MET: variants seen among roughly 807,000 people sequenced by gnomAD.
The protein encoded by MET is hepatocyte growth factor receptor.
MET carries 48 observed loss-of-function variants against 133.1 expected under a neutral mutation model. That is an observed-to-expected ratio of 0.36 (90% CI 0.29 to 0.46). MET has a LOEUF of 0.46. Among genes scored for constraint, MET ranks in the 20% least tolerant of loss-of-function variants. The pLI is 1.00. For synonymous variants in MET, 628 were observed against 616.5 expected, an observed-to-expected ratio of 1.02 and a Z score of -0.28; for missense variants, 1,442 against 1,695.9, an observed-to-expected ratio of 0.85 and a Z score of 2.63.
chr7:116,690,551 C>T (rs1796746489), intron 1 of MET, among the ~76,000 whole-genome samples: 1 of 152,194 alleles, frequency 6.6e-6, no homozygotes, highest in South Asian at 2.1e-4. Flanking sequence ...TAGTGTCTGG[C>T]TACGATAGAA....
intron 1 of MET, among the ~76,000 whole-genome samples, chr7:116,691,516 A>T (rs929433558): frequency 1.3e-5 from 2 of 152,162 alleles, no homozygotes; most frequent in Non-Finnish European, 2.9e-5. Context: ...TCATTTTTAA[A>T]CTTATTTAAA....
chr7:116,728,092 C>T (rs771375062), intron 2 of MET, among the ~76,000 whole-genome samples: 1 of 152,156 alleles, frequency 6.6e-6, no homozygotes, highest in Non-Finnish European at 1.5e-5. Flanking sequence ...TTAGTTTTTC[C>T]TAGAGGCTAG....
intron 15 of MET, among the ~76,000 whole-genome samples, 180 bp downstream of exon 15, chr7:116,775,291 G>T (rs1212916439): frequency 1.3e-5 from 2 of 152,194 alleles, no homozygotes; most frequent in Non-Finnish European, 2.9e-5. Context: ...GTGGGGATTT[G>T]CCCTTGTGCA....
chr7:116,691,068 C>T (rs776453842), intron 1 of MET, among the ~76,000 whole-genome samples: 7 of 152,158 alleles, frequency 4.6e-5, no homozygotes, highest in Non-Finnish European at 8.8e-5. Flanking sequence ...GGAGATTTAG[C>T]CATGGCTATT....
chr7:116,748,209 A>T (rs1051701590), intron 5 of MET, among the ~76,000 whole-genome samples: 2 of 152,202 alleles, frequency 1.3e-5, no homozygotes, highest in African/African-American at 4.8e-5. Flanking sequence ...GCGCCACTGC[A>T]CTCCAGCCTG....
rs200624981 is a variant in MET at position 116,778,969 on chromosome 7, G to T, written c.3522+12G>T. On this transcript the variant is annotated intron_variant, in intron 17 of 20. Transcript: ENST00000397752. ...GAAATGAGACTCATGTAAGTTGACT[G>T]CCAAGCTTACTAACTGGCAAACTAG... is the stretch of plus-strand genomic sequence containing the variant. 319 of 1,613,274 alleles carry T rather than the reference G, an allele frequency of 2.0e-4. No individual in the cohort carries two copies. The highest frequency in any genetic ancestry group is 1.6e-4 in the Non-Finnish European group (183 of 1,179,748).
chr7:116,675,490 A>T (rs1260607781), intron 1 of MET, among the ~76,000 whole-genome samples: 3 of 152,160 alleles, frequency 2.0e-5, no homozygotes, highest in African/African-American at 4.8e-5. Context: ...TGCATACATC[A>T]CCTTTCTGAT....
In MET at chr7:116,769,829, A is replaced by G. The variant is rs550729548; in HGVS notation, c.2730+38A>G. On this transcript the variant is annotated intron_variant, in intron 12 of 20. Transcript: ENST00000397752. ...CATTCCTCTCATGATGTAAATAAGG[A>G]AGCCAGTGTAATTATGTTATTCTCA... 5.0e-6 allele frequency: 8 copies of G among 1,612,910 alleles called. No individual in the cohort carries two copies. The South Asian group carries it at 8.8e-5, about 18-fold the overall frequency.
chr7:116,762,866 G>A (rs1366532563), intron 10 of MET, among the ~76,000 whole-genome samples, 184 bp from the exon 11 acceptor site: 2 of 152,124 alleles, frequency 1.3e-5, no homozygotes, highest in Non-Finnish European at 2.9e-5. Flanking sequence ...TTGAAGGGTG[G>A]GTTGTTTGGA....
At chr7:116,762,947 A>T (rs1794452416) in intron 10 of MET, 103 bp from the exon 11 acceptor site, 4 of 1,019,874 alleles carry the variant, frequency 3.9e-6, no homozygotes, top group African/African-American at 1.6e-5. Flanking sequence ...GATTTTTTCA[A>T]AAATTATATA....
chr7:116,794,606 C>A (rs1795614768), intron 19 of MET, among the ~76,000 whole-genome samples: 1 of 152,222 alleles, frequency 6.6e-6, no homozygotes, highest in Non-Finnish European at 1.5e-5. Flanking sequence ...GTACTGCAAG[C>A]TACACTTGCC....
chr7:116,681,255 C>T (rs181218108), intron 1 of MET, among the ~76,000 whole-genome samples: 9 of 152,112 alleles, frequency 5.9e-5, no homozygotes, highest in African/African-American at 1.9e-4. Context: ...GTTATCTACT[C>T]CCAGGCACTC....
intron 2 of MET, among the ~76,000 whole-genome samples, chr7:116,707,806 T>C (rs771327980): frequency 2.0e-5 from 3 of 152,198 alleles, no homozygotes; most frequent in African/African-American, 7.2e-5. Flanking sequence ...CTAATATCTC[T>C]AAAAAATATC....
At chr7:116,709,236 T>C (rs906657752) in intron 2 of MET, among the ~76,000 whole-genome samples, 8 of 152,236 alleles carry the variant, frequency 5.3e-5, no homozygotes, top group Admixed American at 5.2e-4. Context: ...TGTTCATCTA[T>C]ACATATTTAA....
At chr7:116,752,814 C>T (rs545028275) in intron 5 of MET, among the ~76,000 whole-genome samples, 13 of 152,020 alleles carry the variant, frequency 8.6e-5, no homozygotes, top group South Asian at 2.1e-4. Context: ...CATAGAAAGA[C>T]GGGATGTAGG....
At chr7:116,745,042 C>T (rs1365704453) in intron 5 of MET, among the ~76,000 whole-genome samples, 1 of 152,202 alleles carries the variant, frequency 6.6e-6, no homozygotes, top group Admixed American at 6.5e-5. Flanking sequence ...ATCGTCTCAG[C>T]CCAAAGTCTC....
intron 19 of MET, among the ~76,000 whole-genome samples, chr7:116,792,596 AG>A (rs1260325129): frequency 6.6e-6 from 1 of 151,854 alleles, no homozygotes; most frequent in African/African-American, 2.4e-5. Flanking sequence ...CAATGCTTTC[AG>A]GGGAGTGTGG....
At position 116,796,102 on chromosome 7, in the gene MET, C is replaced by G. The variant is rs202166889; in HGVS notation, c.4151C>G (p.Ala1384Gly). 2 of 1,614,034 alleles carry G rather than the reference C, an allele frequency of 1.2e-6. No individual in the cohort carries two copies. Among genetic ancestry groups the G allele is most frequent in the Admixed American group, 1.7e-5 (1 of 59,994 alleles). ...NADDEVDTRP[A>G]SFWETS ...GATGATGAGGTGGACACACGACCAG[C>G]CTCCTTCTGGGAGACATCATAGTGC... Residue 1384 changes from alanine to glycine, a missense_variant, in exon 21 of 21, where the codon GCC (alanine) becomes GGC (glycine). Transcript: ENST00000397752.
At chr7:116,678,537 G>C (rs1796239917) in intron 1 of MET, among the ~76,000 whole-genome samples, 1 of 152,060 alleles carries the variant, frequency 6.6e-6, no homozygotes, top group South Asian at 2.1e-4. Context: ...GACATTCAAA[G>C]CTGAGACCTT....
Sources: allele counts gnomAD v4.1 joint callset (sites outside exome capture counted in the v4.1 genomes callset), GRCh38; gene constraint gnomAD v4.1.1; transcripts MANE v1.5; gene names NCBI Gene and HGNC (gene_info 2026-07-23, HGNC 2026-07-21).